KMT2C: variants seen among roughly 807,000 people sequenced by gnomAD.
KMT2C encodes the protein lysine methyltransferase 2C, also known as histone-lysine N-methyltransferase 2C.
In KMT2C, 88 loss-of-function variants were observed where a neutral mutation model predicts 507.9. The ratio of observed to expected loss-of-function variants is 0.17; its 90% CI spans 0.15 to 0.21. The LOEUF (loss-of-function observed/expected upper bound fraction) is 0.21. Ranked by LOEUF, KMT2C falls within the 10% of genes least tolerant of loss-of-function variation. The pLI is 1.00. For missense variants in KMT2C, 4,954 were observed against 5,957.8 expected, an observed-to-expected ratio of 0.83 and a Z score of 5.55; for synonymous variants, 2,049 against 2,080.8, an observed-to-expected ratio of 0.98 and a Z score of 0.42.
intron 2 of KMT2C, among the ~76,000 whole-genome samples, chr7:152,338,924 A>T (rs2096963684): frequency 6.6e-6 from 1 of 152,234 alleles, no homozygotes; most frequent in Non-Finnish European, 1.5e-5. Context: ...CTGCTGAATA[A>T]AATTATGAAG....
At chr7:152,192,843 T>C (rs1389940347) in intron 31 of KMT2C, among the ~76,000 whole-genome samples, 3 of 152,072 alleles carry the variant, frequency 2.0e-5, no homozygotes, top group Admixed American at 6.5e-5. Context: ...GCAGTGACAA[T>C]AGGATAGAGA....
At chr7:152,154,567 G>A (rs913822314) in intron 46 of KMT2C, 122 bp from the exon 47 acceptor site, 16 of 732,080 alleles carry the variant, frequency 2.2e-5, no homozygotes, top group South Asian at 1.5e-4. Flanking sequence ...CCTATACGAT[G>A]AGCAGCAAAT....
At chr7:152,338,402 AGAT>A (rs1240578895) in intron 2 of KMT2C, among the ~76,000 whole-genome samples, 1 of 152,218 alleles carries the variant, frequency 6.6e-6, no homozygotes, top group Non-Finnish European at 1.5e-5. Context: ...TAATGGATCT[AGAT>A]GAAAGACTGA....
intron 2 of KMT2C, among the ~76,000 whole-genome samples, chr7:152,331,020 AATCTTGGCCAGGC>A (rs1226854183): frequency 6.6e-6 from 1 of 152,178 alleles, no homozygotes; most frequent in Non-Finnish European, 1.5e-5. Context: ...AAATGTTAAG[AATCTTGGCCAGGC>A]ATGGTGGCTC....
chr7:152,344,884 G>A (rs939473345), intron 2 of KMT2C, among the ~76,000 whole-genome samples: 9 of 152,260 alleles, frequency 5.9e-5, no homozygotes, highest in Middle Eastern at 3.4e-3. Context: ...CTACTCGGGA[G>A]GCTGAGGCAG....
rs2129120676 is a variant in KMT2C at position 152,182,115 on chromosome 7, G to A, written c.5745C>T (p.Ser1915=). Reference sequence around the variant, plus strand: ...CCACTGGTGCAGCAGAATTTCTTCTGGAAAAACTATGGCCCACAGGAGGTG... The same window carrying A: ...CCACTGGTGCAGCAGAATTTCTTCTAGAAAAACTATGGCCCACAGGAGGTG... ...PRPPPVGHSF[S]RRNSAAPVEN... is the part of the protein sequence containing the mutation. Residue 1915 remains serine, a synonymous_variant, in exon 36 of 59, where the codon TCC becomes TCT. Coordinates refer to ENST00000262189, the MANE Select transcript of KMT2C (RefSeq NM_170606.3). 6.2e-7 allele frequency: 1 copy of A among 1,614,194 alleles called. No homozygotes were observed. The highest frequency in any genetic ancestry group is 8.5e-7 in the Non-Finnish European group (1 of 1,180,034).
chr7:152,388,504 G>A (rs1164841605), intron 1 of KMT2C, among the ~76,000 whole-genome samples: 1 of 151,990 alleles, frequency 6.6e-6, no homozygotes, highest in Non-Finnish European at 1.5e-5. Flanking sequence ...GGTTGCGTAA[G>A]CCGAGATTGT....
chr7:152,413,677 G>T (rs1589854634), intron 1 of KMT2C, among the ~76,000 whole-genome samples: 1 of 151,800 alleles, frequency 6.6e-6, no homozygotes, highest in Admixed American at 6.6e-5. Flanking sequence ...CTGAGGTCAG[G>T]AGTTCGAGAC....
At chr7:152,259,208 A>G (rs1367146945) in intron 9 of KMT2C, among the ~76,000 whole-genome samples, 1 of 152,198 alleles carries the variant, frequency 6.6e-6, no homozygotes, top group African/African-American at 2.4e-5. Context: ...AGGAAGGGGT[A>G]GGTTATGAAG....
At chr7:152,313,239 GA>G (rs546380845) in intron 4 of KMT2C, among the ~76,000 whole-genome samples, 19 of 144,960 alleles carry the variant, frequency 1.3e-4, no homozygotes, top group Middle Eastern at 3.6e-3. Flanking sequence ...TTTATTGGGA[GA>G]AAAAAAAAAG....
At chr7:152,259,415 A>G in intron 9 of KMT2C, among the ~76,000 whole-genome samples, 1 of 147,996 alleles carries the variant, frequency 6.8e-6, no homozygotes, top group East Asian at 2.0e-4. Flanking sequence ...GGTTAGGGGG[A>G]ATAGAGACAA....
intron 32 of KMT2C, 87 bp downstream of exon 32, chr7:152,187,628 T>C (rs1372013870): frequency 1.3e-6 from 2 of 1,488,076 alleles, no homozygotes; most frequent in East Asian, 2.3e-5. Context: ...AATAATATCA[T>C]ACACAATCAT....
intron 6 of KMT2C, among the ~76,000 whole-genome samples, chr7:152,294,535 G>A (rs1267219227): frequency 6.6e-6 from 1 of 151,968 alleles, no homozygotes; most frequent in Non-Finnish European, 1.5e-5. Context: ...AGGCTGAGCT[G>A]GAAACATTGC....
chr7:152,171,818 CAA>C (rs1038137433), intron 39 of KMT2C, among the ~76,000 whole-genome samples: 1 of 152,174 alleles, frequency 6.6e-6, no homozygotes, highest in African/African-American at 2.4e-5. Context: ...TATTCTAAAA[CAA>C]AAGACATTTC....
intron 14 of KMT2C, among the ~76,000 whole-genome samples, chr7:152,242,056 C>T (rs3951744): frequency 6.6e-6 from 1 of 151,798 alleles, no homozygotes; most frequent in South Asian, 2.1e-4. Flanking sequence ...GCTATAATTA[C>T]CAAAGTTTAA....
intron 41 of KMT2C, among the ~76,000 whole-genome samples, chr7:152,167,996 T>A (rs2092807845): frequency 6.6e-6 from 1 of 152,204 alleles, no homozygotes; most frequent in Non-Finnish European, 1.5e-5. Context: ...TTTTTTAAAA[T>A]AAGGGGAGGG....
rs573442542 is a variant in KMT2C, at chr7:152,296,916, C to T, written c.849+13050G>A. 1.9e-4 allele frequency among the ~76,000 whole-genome samples: 28 copies of T among 150,444 alleles called. No homozygotes were observed. The East Asian group carries it at 4.3e-3, about 23-fold the overall frequency. Reference sequence around the variant, plus strand: ...GCACTTTCAGAGGCTAAGACAGGTGCGTCACTTGAGGTCAGGAGTTTGAGA... The same window carrying T: ...GCACTTTCAGAGGCTAAGACAGGTGTGTCACTTGAGGTCAGGAGTTTGAGA... On this transcript the variant is annotated intron_variant, in intron 6 of 58. Transcript: ENST00000262189.
intron 57 of KMT2C, 98 bp downstream of exon 57, chr7:152,139,088 G>A: frequency 4.1e-6 from 5 of 1,206,684 alleles, no homozygotes; most frequent in Non-Finnish European, 6.1e-6. Context: ...GTCACCGCCA[G>A]GCTGCCGTGA....
intron 16 of KMT2C, among the ~76,000 whole-genome samples, chr7:152,235,548 A>G (rs1344819210): frequency 6.6e-6 from 1 of 152,176 alleles, no homozygotes; most frequent in Non-Finnish European, 1.5e-5. Flanking sequence ...TTTTTAAATA[A>G]AAGAGCAACT....
Sources: gnomAD v4.1 joint callset for allele counts (sites outside exome capture counted in the v4.1 genomes callset) on GRCh38, gnomAD v4.1.1 for gene constraint, MANE v1.5 for transcripts, NCBI Gene and HGNC (gene_info 2026-07-23, HGNC 2026-07-21) for gene names.